VPS39: variants seen among roughly 807,000 people sequenced by gnomAD.
The protein encoded by VPS39 is vam6/Vps39-like protein.
A neutral mutation model predicts 121.0 loss-of-function variants in VPS39; 70 were observed. The ratio of observed to expected loss-of-function variants is 0.58; its 90% confidence interval spans 0.48 to 0.71. The LOEUF is 0.71. Among genes scored for constraint, VPS39 ranks in the 30% least tolerant of loss-of-function variants. VPS39 has a pLI of 0.00. For synonymous variants in VPS39, 378 were observed against 398.1 expected (o/e 0.95, Z 0.60); for missense variants, 818 against 1,051.5 (o/e 0.78, Z 3.07).
chr15:42,171,150 C>T (rs2049340770), intron 11 of VPS39, among the ~76,000 whole-genome samples: 1 of 152,148 alleles, frequency 6.6e-6, no homozygotes, highest in African/African-American at 2.4e-5. Context: ...GGTGTATGGT[C>T]AATTGGCACT....
At chr15:42,196,785 A>G (rs998275420) in intron 2 of VPS39, among the ~76,000 whole-genome samples, 2 of 152,160 alleles carry the variant, frequency 1.3e-5, no homozygotes, top group Non-Finnish European at 2.9e-5. Flanking sequence ...AAGGATCTAG[A>G]ACTAGAAATA....
chr15:42,162,380 G>A lies in VPS39; in HGVS notation c.2277C>T (p.Ala759=), dbSNP rs749147097. ...ELLEPKANLQ[A]ALQVLELHHS... The stretch of plus-strand genomic sequence containing the variant: ...GGTGTAGCTCGAGGACCTGCAGAGC[G>A]GCCTGGAGGTTGGCTTTTGGCTCCA... Residue 759 remains alanine (A), a synonymous_variant, in exon 22 of 25, where the codon GCC becomes GCT. Transcript: ENST00000318006. The A allele has an allele frequency of 2.4e-5, 38 of 1,612,614 alleles. No homozygotes were observed. The highest frequency in any genetic ancestry group is 1.8e-4 in the Admixed American group (11 of 59,820).
intron 2 of VPS39, chr15:42,192,231 C>T: frequency 2.3e-6 from 2 of 869,722 alleles, no homozygotes; most frequent in Non-Finnish European, 3.7e-6. Flanking sequence ...TCATCATCAT[C>T]AGAGCAGCTA....
intron 8 of VPS39, among the ~76,000 whole-genome samples, chr15:42,181,449 C>T (rs1015229754): frequency 1.3e-5 from 2 of 152,032 alleles, no homozygotes; most frequent in Non-Finnish European, 2.9e-5. Flanking sequence ...AGTTTTGCAA[C>T]ATAAAAAAGT....
At chr15:42,161,901 T>C (rs2049134856) in intron 23 of VPS39, 128 bp from the exon 24 acceptor site, 1 of 1,587,316 alleles carries the variant, frequency 6.3e-7, no homozygotes, top group South Asian at 1.1e-5. Context: ...GGCAATTCAA[T>C]GTCAAGCTGG....
intron 2 of VPS39, among the ~76,000 whole-genome samples, chr15:42,197,542 G>A (rs1308444673): frequency 2.0e-5 from 3 of 152,100 alleles, no homozygotes; most frequent in African/African-American, 4.8e-5. Context: ...GACACAGCAA[G>A]ACCCTGTCTC....
chr15:42,160,821 G>A lies in VPS39; in HGVS notation c.2561C>T (p.Ala854Val). 6.2e-7 allele frequency: 1 copy of A among 1,614,066 alleles called. No homozygotes were observed. The highest frequency in any genetic ancestry group is 1.1e-5 in the South Asian group (1 of 91,070). The change falls in exon 25 of 25, where the codon GCA (alanine) becomes GTA (valine). Residue 854 changes from alanine to valine, a missense_variant. Ala to Val is a moderately conservative substitution (Grantham distance 64). Transcript: ENST00000318006. Reference protein sequence around the residue: ...CKKKIGNSAFARYPNGVVVHY... With the variant: ...CKKKIGNSAFVRYPNGVVVHY... The stretch of plus-strand genomic sequence containing the variant: ...GACGACCACTCCATTGGGGTATCTT[G>A]CAAATGCACTGCAGGGAAGAAAATG...
At chr15:42,194,968 T>G (rs1401375737) in intron 2 of VPS39, among the ~76,000 whole-genome samples, 1 of 152,070 alleles carries the variant, frequency 6.6e-6, no homozygotes, top group Non-Finnish European at 1.5e-5. Flanking sequence ...CGAAATGTTT[T>G]AGTGTTTCTG....
intron 1 of VPS39, among the ~76,000 whole-genome samples, chr15:42,204,499 A>T (rs2140895180): frequency 6.6e-6 from 1 of 152,198 alleles, no homozygotes; most frequent in East Asian, 1.9e-4. Flanking sequence ...AAACTACAAA[A>T]ATAAGCCAGG....
Position 42,189,132 on chromosome 15 carries a change from C to G in VPS39, c.324G>C (p.Leu108=), listed in dbSNP as rs147387893. The G allele has an allele frequency of 6.2e-7, 1 of 1,613,892 alleles. No homozygotes were observed. Among genetic ancestry groups the G allele is most frequent in the Non-Finnish European group, 8.5e-7 (1 of 1,179,838 alleles). Reference sequence around the variant, plus strand: ...AACTTACCTGGAGGTCACAAGTAAACAGTGATGCTCCCTTTGCCTTTGAAA... The same window carrying G: ...AACTTACCTGGAGGTCACAAGTAAAGAGTGATGCTCCCTTTGCCTTTGAAA... ...TTVSKAKGAS[L]FTCDLQHTET... is the part of the protein sequence containing the mutation. Residue 108 remains leucine, a synonymous_variant, in exon 5 of 25, where the codon CTG becomes CTC. Transcript: ENST00000318006.
chr15:42,198,494 G>A (rs1372693010), intron 2 of VPS39, among the ~76,000 whole-genome samples: 2 of 152,120 alleles, frequency 1.3e-5, no homozygotes, highest in African/African-American at 4.8e-5. Context: ...GGAATTATAA[G>A]CACGTGCCAC....
intron 17 of VPS39, chr15:42,165,355 T>C: frequency 1.8e-6 from 1 of 564,154 alleles, no homozygotes; most frequent in Non-Finnish European, 3.1e-6. Context: ...CCCATAATCC[T>C]CCAAACTCTC....
chr15:42,169,603 TC>T, intron 12 of VPS39, 120 bp downstream of exon 12: 4 of 1,159,298 alleles, frequency 3.5e-6, no homozygotes, highest in Non-Finnish European at 4.6e-6. Context: ...CAGGCAGACT[TC>T]CTACAGCATT....
intron 1 of VPS39, among the ~76,000 whole-genome samples, chr15:42,201,698 A>T (rs1460589824): frequency 2.6e-5 from 4 of 152,180 alleles, no homozygotes; most frequent in Non-Finnish European, 5.9e-5. Flanking sequence ...TGGTCTAGGT[A>T]AAAAGAGGCT....
rs374646136 is a variant in VPS39, at chr15:42,208,093, G to C, written c.61C>G (p.Leu21Val). The C allele has an allele frequency of 6.3e-7, 1 of 1,585,646 alleles. No individual in the cohort carries two copies. The highest frequency in any genetic ancestry group is 1.3e-5 in the African/African-American group (1 of 74,382). The change falls in exon 1 of 25, where the codon CTG becomes GTG. Residue 21 changes from leucine to valine, a missense_variant. By Grantham distance (32) the Leu-to-Val change is conservative. Coordinates refer to ENST00000318006, the MANE Select transcript of VPS39 (RefSeq NM_015289.5). ...LEKLPLQIDC[L>V]AAWEEWLLVG... is the part of the protein sequence containing the mutation. ...CCCCTCGGCTCACCCCAGGCAGCCAGACAGTCGATTTGCAGAGGCAGCTTT... is the reference window on the plus strand; with the variant it reads ...CCCCTCGGCTCACCCCAGGCAGCCACACAGTCGATTTGCAGAGGCAGCTTT...
intron 4 of VPS39, among the ~76,000 whole-genome samples, chr15:42,190,096 T>C (rs1427733278): frequency 6.6e-6 from 1 of 152,110 alleles, no homozygotes; most frequent in East Asian, 1.9e-4. Flanking sequence ...ATTACTGGTG[T>C]GAGCCACTGC....
intron 1 of VPS39, among the ~76,000 whole-genome samples, chr15:42,200,818 T>A (rs753791874): frequency 4.6e-5 from 7 of 152,206 alleles, no homozygotes; most frequent in Non-Finnish European, 1.0e-4. Flanking sequence ...CACCAACTGA[T>A]GAACGGATAA....
At chr15:42,183,910 T>A (rs1356011375) in intron 8 of VPS39, among the ~76,000 whole-genome samples, 1 of 152,028 alleles carries the variant, frequency 6.6e-6, no homozygotes, top group Non-Finnish European at 1.5e-5. Context: ...GAAAATAAAA[T>A]GGGGCAAGAG....
chr15:42,165,497 A>G (rs1595640642), intron 17 of VPS39: 8 of 489,764 alleles, frequency 1.6e-5, no homozygotes, highest in Non-Finnish European at 2.5e-5. Context: ...TTTTTTTCTA[A>G]AACATTATTC....
Sources: gnomAD v4.1 joint callset for allele counts (sites outside exome capture counted in the v4.1 genomes callset) on GRCh38, gnomAD v4.1.1 for gene constraint, MANE v1.5 for transcripts, NCBI Gene and HGNC (gene_info 2026-07-23, HGNC 2026-07-21) for gene names.